Variants in PRPH2 observed in about 807,000 individuals in gnomAD.
PRPH2 encodes the protein peripherin-2.
In PRPH2, 17 loss-of-function variants were observed where a neutral mutation model predicts 31.3. That is an observed-to-expected ratio of 0.54 (90% CI 0.37 to 0.81). The LOEUF is 0.81. Among genes scored for constraint, PRPH2 ranks in the 40% least tolerant of loss-of-function variants. The probability of loss-of-function intolerance (pLI) is 0.00; values close to 1 mark genes in which losing one functional copy is unlikely to be tolerated. For synonymous variants in PRPH2, 165 were observed against 184.4 expected (o/e 0.89, Z 0.85); for missense variants, 430 against 439.7 (o/e 0.98, Z 0.20).
Position 42,722,364 on chromosome 6 carries a change from C to T in PRPH2, c.-30G>A, listed in dbSNP as rs751404655. The T allele has an allele frequency of 4.3e-6, 7 of 1,611,064 alleles. No homozygotes were observed. The East Asian group carries it at 1.6e-4, about 36-fold the overall frequency. On this transcript the variant is annotated 5_prime_UTR_variant, in exon 1 of 3. Coordinates refer to ENST00000230381, the MANE Select transcript of PRPH2 (RefSeq NM_000322.5). The surrounding 1 kb of genome is among the most constrained non-coding windows in gnomAD (Gnocchi z 4.4). Reference sequence around the variant, plus strand: ...GCCAAGTGTAGTCCGGGTTGCTTCCCACAGCACAGCTCCCACCCCAAACCT... The same window carrying T: ...GCCAAGTGTAGTCCGGGTTGCTTCCTACAGCACAGCTCCCACCCCAAACCT...
At position 42,702,199 on chromosome 6, in the gene PRPH2, G is replaced by A. The variant is rs563775558; in HGVS notation, c.828+2166C>T. Among the ~76,000 whole-genome samples, 45 of 151,424 alleles carry A rather than the reference G, an allele frequency of 3.0e-4. 1 individual carries two copies. In the South Asian group the frequency reaches 9.4e-3, roughly 32 times the overall value. ...TGAGGTTGCCGTGAGCTGAGATCGCGCCACTGCACTCCAGCCTGGGCAACA... is the reference window on the plus strand; with the variant it reads ...TGAGGTTGCCGTGAGCTGAGATCGCACCACTGCACTCCAGCCTGGGCAACA... On this transcript the variant is annotated intron_variant, in intron 2 of 2. Coordinates refer to ENST00000230381, the MANE Select transcript of PRPH2 (RefSeq NM_000322.5).
intron 1 of PRPH2, chr6:42,711,870 C>T (rs181224579): frequency 0.011 from 10,589 of 985,364 alleles, 60 homozygotes; most frequent in Non-Finnish European, 0.012. Flanking sequence ...GTTCCTGGTT[C>T]CAAAATGTCT....
intron 1 of PRPH2, among the ~76,000 whole-genome samples, chr6:42,720,201 A>G (rs147447757): frequency 0.012 from 1,758 of 152,220 alleles, 104 homozygotes; most frequent in Admixed American, 0.09. Context: ...TAATTCCTTC[A>G]CTCTGATACA....
intron 1 of PRPH2, among the ~76,000 whole-genome samples, chr6:42,718,138 T>C (rs921273765): frequency 5.3e-5 from 8 of 152,052 alleles, no homozygotes; most frequent in Non-Finnish European, 1.2e-4. Context: ...GGCGAAACCC[T>C]GTCTCTACCA....
intron 1 of PRPH2, among the ~76,000 whole-genome samples, chr6:42,711,422 G>C (rs146042362): frequency 2.0e-5 from 3 of 151,928 alleles, no homozygotes; most frequent in East Asian, 3.9e-4. Flanking sequence ...ACACAGCCCC[G>C]TCCTCAGGCA....
Position 42,722,111 on chromosome 6 carries a change from T to C in PRPH2, c.224A>G (p.Asn75Ser), listed in dbSNP as rs749097332. Reference sequence around the variant, plus strand: ...GTAGCAGATCTTCCCAGCCAGCGAGTTGAAGACACAGGATAGCACCCCCAT... The same window carrying C: ...GTAGCAGATCTTCCCAGCCAGCGAGCTGAAGACACAGGATAGCACCCCCAT... ...IGMGVLSCVF[N>S]SLAGKICYDA... Residue 75 changes from asparagine (N) to serine (S), a missense_variant, in exon 1 of 3, where the codon AAC (asparagine) becomes AGC (serine). Asn to Ser is a conservative substitution (Grantham distance 46). Transcript: ENST00000230381. This position sits in a 1 kb window ranked among gnomAD's most constrained non-coding sequence, Gnocchi z 4.4. 20 of 1,613,948 alleles carry C rather than the reference T, an allele frequency of 1.2e-5. No homozygotes were observed. The highest frequency in any genetic ancestry group is 1.7e-5 in the Non-Finnish European group (20 of 1,179,958).
intron 1 of PRPH2, among the ~76,000 whole-genome samples, chr6:42,717,265 A>G (rs1487901429): frequency 6.6e-6 from 1 of 151,736 alleles, no homozygotes; most frequent in Non-Finnish European, 1.5e-5. Context: ...ATACAAAAAA[A>G]AATAAATAGG....
chr6:42,711,851 T>C (rs1280365877), intron 1 of PRPH2: 1 of 985,302 alleles, frequency 1.0e-6, no homozygotes, highest in East Asian at 1.1e-4. Context: ...TGGGCCTTCC[T>C]GGCTGGTAGT....
chr6:42,710,415 GC>G, intron 1 of PRPH2, among the ~76,000 whole-genome samples: 1 of 152,318 alleles, frequency 6.6e-6, no homozygotes, highest in East Asian at 1.9e-4. Context: ...TGGGTCACCA[GC>G]CTGGGAACTC....
chr6:42,719,088 C>A (rs1294473963), intron 1 of PRPH2, among the ~76,000 whole-genome samples: 31 of 152,146 alleles, frequency 2.0e-4, no homozygotes, highest in Admixed American at 7.8e-4. Context: ...CAAAGATGCC[C>A]ATTCCAGTGT....
intron 1 of PRPH2, chr6:42,711,831 G>A (rs965169364): frequency 7.1e-6 from 7 of 985,284 alleles, no homozygotes; most frequent in Non-Finnish European, 7.2e-6. Flanking sequence ...TCAGACTGGG[G>A]ACCCCAGGCT....
chr6:42,709,936 C>A (rs1800244020), intron 1 of PRPH2, among the ~76,000 whole-genome samples: 1 of 152,224 alleles, frequency 6.6e-6, no homozygotes, highest in Non-Finnish European at 1.5e-5. Flanking sequence ...GCACACCCGC[C>A]TCATGCACAC....
At chr6:42,711,574 C>A (rs576073998) in intron 1 of PRPH2, among the ~76,000 whole-genome samples, 1 of 152,196 alleles carries the variant, frequency 6.6e-6, no homozygotes, top group South Asian at 2.1e-4. Flanking sequence ...GGGACACAGC[C>A]CCATCCTCAG....
At chr6:42,710,628 G>A (rs1800260085) in intron 1 of PRPH2, among the ~76,000 whole-genome samples, 1 of 152,186 alleles carries the variant, frequency 6.6e-6, no homozygotes, top group South Asian at 2.1e-4. Context: ...ACTCTGCGCG[G>A]AAGGGGCCGG....
chr6:42,699,105 T>TG (rs1441107985), intron 2 of PRPH2, among the ~76,000 whole-genome samples: 8 of 150,892 alleles, frequency 5.3e-5, no homozygotes, highest in African/African-American at 1.2e-4. Flanking sequence ...CATGCTGGAG[T>TG]GCAGTGGCGT....
intron 1 of PRPH2, among the ~76,000 whole-genome samples, chr6:42,710,461 C>G (rs181901087): frequency 3.9e-5 from 6 of 152,308 alleles, no homozygotes; most frequent in South Asian, 2.1e-4. Context: ...ATCCCTCCCC[C>G]ACTCCAAACA....
Position 42,698,235 on chromosome 6 carries a change from T to C in PRPH2, c.*60A>G, listed in dbSNP as rs1167921550. On this transcript the variant is annotated 3_prime_UTR_variant, in exon 3 of 3. Transcript: ENST00000230381. The stretch of plus-strand genomic sequence containing the variant: ...CTTTCGGAGTTGGATGAGGGGGAGA[T>C]CCACGTTTCTTGGAGTGCACTATTT... The C allele has an allele frequency of 6.2e-7, 1 of 1,605,024 alleles. No individual in the cohort carries two copies. The highest frequency in any genetic ancestry group is 1.1e-5 in the South Asian group (1 of 90,672).
chr6:42,700,327 G>A (rs1000147493), intron 2 of PRPH2, among the ~76,000 whole-genome samples: 3 of 151,984 alleles, frequency 2.0e-5, no homozygotes, highest in Non-Finnish European at 2.9e-5. Flanking sequence ...ACAAATTCCC[G>A]GCTTGCTCTC....
intron 1 of PRPH2, among the ~76,000 whole-genome samples, chr6:42,709,981 CTG>C (rs1017497317): frequency 2.6e-5 from 4 of 152,198 alleles, no homozygotes; most frequent in Non-Finnish European, 5.9e-5. Flanking sequence ...AGGCCTAAAA[CTG>C]TGTGGGCTGA....
Sources: gnomAD v4.1 joint callset for allele counts (sites outside exome capture counted in the v4.1 genomes callset) on GRCh38, gnomAD v4.1.1 for gene constraint, Gnocchi (gnomAD v3.1) non-coding constraint, MANE v1.5 for transcripts, NCBI Gene and HGNC (gene_info 2026-07-23, HGNC 2026-07-21) for gene names.